Variants in RBM27 observed in about 807,000 individuals in gnomAD.
The protein encoded by RBM27 is RNA-binding protein 27.
In RBM27, 22 loss-of-function variants were observed where a neutral mutation model predicts 135.3. The observed-to-expected ratio is 0.16, with a 90% CI of 0.12 to 0.23. The LOEUF (loss-of-function observed/expected upper bound fraction) is 0.23, where lower values mean the gene tolerates loss of function less well. RBM27 is among the 10% of genes least tolerant of loss of function. The pLI is 1.00. For synonymous variants in RBM27, 481 were observed against 442.4 expected, an observed-to-expected ratio of 1.09 and a Z score of -1.10; for missense variants, 1,009 against 1,281.0, an observed-to-expected ratio of 0.79 and a Z score of 3.24.
chr5:146,236,760 A>T (rs1408547563), intron 7 of RBM27, among the ~76,000 whole-genome samples: 2 of 151,570 alleles, frequency 1.3e-5, no homozygotes, highest in East Asian at 3.9e-4. Context: ...AATAGCTGGG[A>T]TTACAGGAGT....
At chr5:146,261,071 T>C (rs1192437871) in intron 12 of RBM27, among the ~76,000 whole-genome samples, 173 bp downstream of exon 12, 1 of 152,244 alleles carries the variant, frequency 6.6e-6, no homozygotes, top group Non-Finnish European at 1.5e-5. Context: ...TGTTAAACCA[T>C]GTTTGTTCTT....
rs1561556720 is a variant in RBM27, at chr5:146,261,798, A to G, written c.2182A>G (p.Ile728Val). 7 of 1,614,064 alleles carry G rather than the reference A, an allele frequency of 4.3e-6. No individual in the cohort carries two copies. The highest frequency in any genetic ancestry group is 5.9e-6 in the Non-Finnish European group (7 of 1,180,000). The stretch of plus-strand genomic sequence containing the variant: ...TGCTCCTTCAACAGTGCACGGAGGT[A>G]TCCAGAAGGTAATCTGGTTCACTGG... Reference protein sequence around the residue: ...QSAPSTVHGGIQKMMSKPQTS... With the variant: ...QSAPSTVHGGVQKMMSKPQTS... Residue 728 changes from isoleucine to valine, a missense_variant, in exon 13 of 21, where the codon ATC (isoleucine) becomes GTC (valine). Around this residue, in one of 6 missense-constraint regions of RBM27, gnomAD observed 355 missense variants for 427.3 expected, o/e 0.83. Coordinates refer to ENST00000265271, the MANE Select transcript of RBM27 (RefSeq NM_018989.2).
chr5:146,259,744 C>T (rs1329445667), intron 11 of RBM27, among the ~76,000 whole-genome samples: 6 of 150,440 alleles, frequency 4.0e-5, no homozygotes, highest in African/African-American at 7.3e-5. Flanking sequence ...GAGGCCAAGG[C>T]GGGTGGATCA....
At position 146,286,121 on chromosome 5, in the gene RBM27, ATTTT is replaced by A. The variant is rs956700159; in HGVS notation, c.*95_*98del. 1.8e-6 allele frequency: 2 copies of A among 1,137,822 alleles called. No homozygotes were observed. Among genetic ancestry groups the A allele is most frequent in the African/African-American group, 3.2e-5 (2 of 62,666 alleles). 70.5% of individuals were successfully genotyped at this position (1,137,822 alleles called of 1,614,324 possible). On this transcript the variant is annotated 3_prime_UTR_variant, in exon 21 of 21. Coordinates refer to ENST00000265271, the MANE Select transcript of RBM27 (RefSeq NM_018989.2). ...AAAAGAAGTCAATGAGCCAAAAAAAATTTTTTTATTTTTCTTTTCAACACAGTAG... is the reference window on the plus strand; with the variant it reads ...AAAAGAAGTCAATGAGCCAAAAAAAATTTATTTTTCTTTTCAACACAGTAG...
chr5:146,211,755 C>T (rs571953373), intron 1 of RBM27, among the ~76,000 whole-genome samples: 123 of 151,974 alleles, frequency 8.1e-4, no homozygotes, highest in Non-Finnish European at 1.2e-3. Flanking sequence ...AGCCGTCAGG[C>T]CTGGCCCAGT....
intron 6 of RBM27, among the ~76,000 whole-genome samples, chr5:146,232,398 G>A (rs964574668): frequency 2.6e-5 from 4 of 152,054 alleles, no homozygotes; most frequent in Admixed American, 2.0e-4. Flanking sequence ...TAATCTGTGC[G>A]TATGTACATA....
intron 19 of RBM27, among the ~76,000 whole-genome samples, chr5:146,283,749 G>A (rs1025532818): frequency 1.3e-5 from 2 of 152,140 alleles, no homozygotes; most frequent in African/African-American, 4.8e-5. Flanking sequence ...TTCTCACCAT[G>A]CTATGCTCCA....
At chr5:146,275,976 T>G (rs1342726443) in intron 19 of RBM27, among the ~76,000 whole-genome samples, 1 of 152,220 alleles carries the variant, frequency 6.6e-6, no homozygotes, top group Non-Finnish European at 1.5e-5. Context: ...TCTTCTTCTA[T>G]CCTACCATGT....
rs1759609705 is a variant in RBM27, at chr5:146,286,934, G to A, written c.*904G>A. ...CAACCGCAGGCAGTCTCCAATAAAA[G>A]GTTCAAACCAGCACCTGGATAAATA... On this transcript the variant is annotated 3_prime_UTR_variant, in exon 21 of 21. Coordinates refer to ENST00000265271, the MANE Select transcript of RBM27 (RefSeq NM_018989.2). 6.6e-6 allele frequency: 1 copy of A among 152,432 alleles called. No individual in the cohort carries two copies. Among genetic ancestry groups the A allele is most frequent in the South Asian group, 2.1e-4 (1 of 4,818 alleles). The allele number at this position is 152,432 out of a possible 1,614,324, so 9.4% of individuals were successfully genotyped here.
chr5:146,269,091 G>A (rs1758750063), intron 15 of RBM27, 116 bp from the exon 16 acceptor site: 1 of 608,806 alleles, frequency 1.6e-6, no homozygotes, highest in Non-Finnish European at 2.9e-6. Context: ...TTCATCTATG[G>A]TGTCAGCTAT....
chr5:146,228,281 T>C (rs1756764534), intron 3 of RBM27, among the ~76,000 whole-genome samples: 1 of 138,690 alleles, frequency 7.2e-6, no homozygotes, highest in South Asian at 2.1e-4. Flanking sequence ...GACCATTCTT[T>C]CTTTTTTTTT....
At chr5:146,259,839 G>A (rs1758304689) in intron 11 of RBM27, among the ~76,000 whole-genome samples, 3 of 150,626 alleles carry the variant, frequency 2.0e-5, no homozygotes, top group African/African-American at 7.3e-5. Flanking sequence ...CGGGCGCAGT[G>A]GCGGGCGCCT....
chr5:146,233,607 G>GCCAGGTCCAGGCCCAGGCCCGGGC lies in RBM27; in HGVS notation c.1044_1067dup (p.Pro351_Gly358dup). The GCCAGGTCCAGGCCCAGGCCCGGGC allele has an allele frequency of 7.8e-5, 125 of 1,607,840 alleles. No homozygotes were observed. The highest frequency in any genetic ancestry group is 3.0e-4 in the Admixed American group (18 of 59,590). On this transcript the variant is annotated inframe_insertion, in exon 7 of 21. Coordinates refer to ENST00000265271, the MANE Select transcript of RBM27 (RefSeq NM_018989.2). Reference sequence around the variant, plus strand: ...CTCCTGGAATGTTAATGCCTCCAATGCCAGGTCCAGGCCCAGGCCCGGGCC... The same window carrying GCCAGGTCCAGGCCCAGGCCCGGGC: ...CTCCTGGAATGTTAATGCCTCCAATGCCAGGTCCAGGCCCAGGCCCGGGCCCAGGTCCAGGCCCAGGCCCGGGCC...
Position 146,286,150 on chromosome 5 carries a change from G to C in RBM27, c.*120G>C. 1.4e-6 allele frequency: 1 copy of C among 731,408 alleles called. No individual in the cohort carries two copies. 45.3% of individuals were successfully genotyped at this position (731,408 alleles called of 1,614,324 possible). A position where few individuals can be genotyped will look rare whatever the true frequency, so the allele number is the denominator to read the frequency against. The stretch of plus-strand genomic sequence containing the variant: ...TTTTATTTTTCTTTTCAACACAGTA[G>C]GTTCAAGAACAGCAAGTTTGCTATT... On this transcript the variant is annotated 3_prime_UTR_variant, in exon 21 of 21. Transcript: ENST00000265271.
Position 146,288,255 on chromosome 5 carries a change from G to A in RBM27, c.*2225G>A, listed in dbSNP as rs1581257160. The stretch of plus-strand genomic sequence containing the variant: ...AAATGGACATCTTATTTCACTCTCA[G>A]TAAAAAGTTGAAAATTTGACTTTTT... On this transcript the variant is annotated 3_prime_UTR_variant, in exon 21 of 21. Coordinates refer to ENST00000265271, the MANE Select transcript of RBM27 (RefSeq NM_018989.2). The A allele has an allele frequency of 6.6e-6, 1 of 151,998 alleles. No individual in the cohort carries two copies. Among genetic ancestry groups the A allele is most frequent in the African/African-American group, 2.4e-5 (1 of 41,510 alleles). The allele number at this position is 151,998 out of a possible 1,614,324, so 9.4% of individuals were successfully genotyped here.
rs1025784945 is a variant in RBM27, at chr5:146,258,357, G to A, written c.1595-92G>A. On this transcript the variant is annotated intron_variant, in intron 10 of 20. Transcript: ENST00000265271. The stretch of plus-strand genomic sequence containing the variant: ...CTAAAAGAGAAATGATAGTAGTTGA[G>A]CTATTCATAGTAGTTTTTAGCTTTT... 2.3e-5 allele frequency: 22 copies of A among 952,272 alleles called. No homozygotes were observed. The Admixed American group carries it at 5.1e-4, about 22-fold the overall frequency. 59.0% of individuals were successfully genotyped at this position (952,272 alleles called of 1,614,324 possible).
chr5:146,288,874 A>G lies in RBM27; in HGVS notation c.*2844A>G, dbSNP rs1300396311. On this transcript the variant is annotated 3_prime_UTR_variant, in exon 21 of 21. Coordinates refer to ENST00000265271, the MANE Select transcript of RBM27 (RefSeq NM_018989.2). ...GTTAAGGTGAAAGGGGTCCTTGGTG[A>G]TGGATCATTATTTCAAAAAAGAAAA... 1 of 152,078 alleles carries G rather than the reference A, an allele frequency of 6.6e-6. No individual in the cohort carries two copies. Among genetic ancestry groups the G allele is most frequent in the East Asian group, 1.9e-4 (1 of 5,198 alleles). The allele number at this position is 152,078 out of a possible 1,614,324, so 9.4% of individuals were successfully genotyped here. A position where few individuals can be genotyped will look rare whatever the true frequency, so the allele number is the denominator to read the frequency against.
intron 3 of RBM27, among the ~76,000 whole-genome samples, chr5:146,226,068 A>G (rs1434701844): frequency 6.8e-6 from 1 of 146,360 alleles, no homozygotes; most frequent in African/African-American, 2.5e-5. Context: ...GGGTTTCACC[A>G]AGTTGGCCAG....
rs538418514 is a variant in RBM27, at chr5:146,281,761, C to G, written c.2989-2861C>G. Among the ~76,000 whole-genome samples, 161 of 152,246 alleles carry G rather than the reference C, an allele frequency of 1.1e-3. 1 individual carries two copies. The highest frequency in any genetic ancestry group is 0.01 in the Middle Eastern group (3 of 294). On this transcript the variant is annotated intron_variant, in intron 19 of 20. Coordinates refer to ENST00000265271, the MANE Select transcript of RBM27 (RefSeq NM_018989.2). ...TCAACTTTTTAGAACAAAACTACTGCAAGTAATGAGAATTGACTGTAGTTT... is the reference window on the plus strand; with the variant it reads ...TCAACTTTTTAGAACAAAACTACTGGAAGTAATGAGAATTGACTGTAGTTT...
Sources: gnomAD v4.1 joint callset for allele counts (sites outside exome capture counted in the v4.1 genomes callset) on GRCh38, gnomAD v4.1.1 for gene constraint, gnomAD v4.1.1 regional missense constraint, MANE v1.5 for transcripts, NCBI Gene and HGNC (gene_info 2026-07-23, HGNC 2026-07-21) for gene names.